The following RAP1GAP variants were observed in gnomAD, a reference collection of about 807,000 sequenced individuals.
The protein encoded by RAP1GAP is rap1 GTPase-activating protein 1.
RAP1GAP carries 35 observed loss-of-function variants against 87.2 expected under a neutral mutation model. The observed-to-expected ratio is 0.40, with a 90% CI of 0.31 to 0.53. The LOEUF is 0.53. Among genes scored for constraint, RAP1GAP ranks in the 20% least tolerant of loss-of-function variants. RAP1GAP has a pLI of 0.48. For missense variants in RAP1GAP, 734 were observed against 898.9 expected, an observed-to-expected ratio of 0.82 and a Z score of 2.35; for synonymous variants, 375 against 363.9, an observed-to-expected ratio of 1.03 and a Z score of -0.35.
Position 21,598,224 on chromosome 1 carries a change from C to T in RAP1GAP, c.1880-160G>A, listed in dbSNP as rs1296347708. 4.0e-6 allele frequency: 3 copies of T among 759,076 alleles called. No homozygotes were observed. The African/African-American group carries it at 5.3e-5, about 13-fold the overall frequency. The allele number at this position is 759,076 out of a possible 1,614,324, so 47.0% of individuals were successfully genotyped here. ...CCTCCGAGACCCTTCCGGAAGAAAC[C>T]AGCCCTCCAATCCACCCAGCCACCC... On this transcript the variant is annotated intron_variant, in intron 22 of 24. Transcript: ENST00000374765.
At chr1:21,651,511 C>T (rs759868640) in intron 1 of RAP1GAP, 1 of 656,542 alleles carries the variant, frequency 1.5e-6, no homozygotes, top group Admixed American at 1.9e-5. Context: ...TAGACACAAA[C>T]ACAGCAATGT....
chr1:21,601,820 G>A (rs751863533), intron 19 of RAP1GAP, 23 bp from the exon 20 acceptor site: 36 of 1,531,532 alleles, frequency 2.4e-5, no homozygotes, highest in East Asian at 9.1e-5. Context: ...CGGGGGCAGC[G>A]GGGGGATTCA....
chr1:21,629,025 A>G (rs960994933), intron 2 of RAP1GAP, among the ~76,000 whole-genome samples: 10 of 152,216 alleles, frequency 6.6e-5, no homozygotes, highest in African/African-American at 1.7e-4. Flanking sequence ...CTCTCCCCCA[A>G]CTACTGTGCA....
intron 1 of RAP1GAP, among the ~76,000 whole-genome samples, chr1:21,656,663 C>T (rs2096880464): frequency 6.6e-6 from 1 of 152,128 alleles, no homozygotes; most frequent in Admixed American, 6.5e-5. Flanking sequence ...CTTCCCTAGG[C>T]AGCTGGCCAG....
At chr1:21,650,225 C>T (rs1350239136) in intron 1 of RAP1GAP, among the ~76,000 whole-genome samples, 2 of 152,058 alleles carry the variant, frequency 1.3e-5, no homozygotes, top group Non-Finnish European at 2.9e-5. Context: ...AACATCACCC[C>T]CAAGGCCCGT....
At chr1:21,618,890 T>A (rs2275357) in intron 5 of RAP1GAP, 135 bp downstream of exon 5, 5 of 996,554 alleles carry the variant, frequency 5.0e-6, no homozygotes, top group Non-Finnish European at 7.4e-6. Flanking sequence ...CCTCCCCCCC[T>A]ACCCCCGCAC....
chr1:21,626,466 A>C, intron 2 of RAP1GAP, 69 bp from the exon 3 acceptor site: 1 of 1,265,814 alleles, frequency 7.9e-7, no homozygotes, highest in Non-Finnish European at 1.2e-6. Context: ...TGGGAGAGTC[A>C]CTCTCAGAGC....
rs372083917 is a variant in RAP1GAP, at chr1:21,613,332, G to C, written c.475-103C>G. The C allele has an allele frequency of 6.3e-5, 69 of 1,098,944 alleles. 1 individual carries two copies. In the East Asian group the frequency reaches 9.3e-4, roughly 15 times the overall value. 68.1% of individuals were successfully genotyped at this position (1,098,944 alleles called of 1,614,324 possible). On this transcript the variant is annotated intron_variant, in intron 9 of 24. Transcript: ENST00000374765. The surrounding 1 kb of genome is among the most constrained non-coding windows in gnomAD (Gnocchi z 4.7). ...CAAGGTCTGGGGAGGAGCCATGCTG[G>C]GAATGGCCAAGGCTAAAGCAGGACT...
At chr1:21,608,481 G>A in intron 16 of RAP1GAP, 131 bp from the exon 17 acceptor site, 1 of 1,245,528 alleles carries the variant, frequency 8.0e-7, no homozygotes, top group South Asian at 1.6e-5. Context: ...AGGGCGGAGG[G>A]CTCCTGCACC....
In RAP1GAP at chr1:21,603,941, G is replaced by A; in HGVS notation, c.1429-1028C>T. ...GCAAGCAGCAGAGGGCGGGGGCAGA[G>A]AGAGAGAGACAGAGAGAGAGTCAGA... On this transcript the variant is annotated intron_variant, in intron 18 of 24. Coordinates refer to ENST00000374765, the MANE Select transcript of RAP1GAP (RefSeq NM_002885.4). This position sits in a 1 kb window ranked among gnomAD's most constrained non-coding sequence, Gnocchi z 6.0. 1 of 1,466,436 alleles carries A rather than the reference G, an allele frequency of 6.8e-7. No homozygotes were observed. 90.8% of individuals were successfully genotyped at this position (1,466,436 alleles called of 1,614,324 possible). A position where few individuals can be genotyped will look rare whatever the true frequency, so the allele number is the denominator to read the frequency against.
rs1312813141 is a variant in RAP1GAP at position 21,599,856 on chromosome 1, T to C, written c.1653-239A>G. Among the ~76,000 whole-genome samples the C allele has an allele frequency of 2.6e-5, 4 of 152,036 alleles. No homozygotes were observed. The South Asian group carries it at 6.2e-4, about 24-fold the overall frequency. ...CACGTCCCTCCCCTGCTCAAAACCC[T>C]CTCCTGGCCTCCCATTTCCCCAGGT... On this transcript the variant is annotated intron_variant, in intron 20 of 24. Transcript: ENST00000374765.
Position 21,597,713 on chromosome 1 carries a change from G to A in RAP1GAP, c.*7C>T, listed in dbSNP as rs753410874. On this transcript the variant is annotated 3_prime_UTR_variant, in exon 24 of 25. Coordinates refer to ENST00000374765, the MANE Select transcript of RAP1GAP (RefSeq NM_002885.4). Reference sequence around the variant, plus strand: ...GCTCAGTTTCACCTTCAGAGGGGGTGGCCCGGCTAACAGCCCTGCAGACAG... The same window carrying A: ...GCTCAGTTTCACCTTCAGAGGGGGTAGCCCGGCTAACAGCCCTGCAGACAG... The A allele has an allele frequency of 1.9e-6, 3 of 1,613,578 alleles. No individual in the cohort carries two copies. The Admixed American group carries it at 5.0e-5, about 27-fold the overall frequency.
At chr1:21,667,760 C>T (rs988459582) in intron 1 of RAP1GAP, 5 of 152,260 alleles carry the variant, frequency 3.3e-5, no homozygotes, top group Non-Finnish European at 7.3e-5. Flanking sequence ...GTTCATTTAG[C>T]CTCTCCGAGC....
chr1:21,601,790 G>T lies in RAP1GAP; in HGVS notation c.1546C>A (p.Pro516Thr), dbSNP rs912488332. Residue 516 changes from proline to threonine, a missense_variant, in exon 20 of 25, where the codon CCT becomes ACT. Transcript: ENST00000374765. ...TCTGGGGTCTTCTGACCAGCCGGAG[G>T]GCTCTCCCTGCGGGGCACACGGGGG... ...IQEVQEKRES[P>T]PAGQKTPDSG... 1 of 1,605,872 alleles carries T rather than the reference G, an allele frequency of 6.2e-7. No homozygotes were observed. Among genetic ancestry groups the T allele is most frequent in the East Asian group, 2.2e-5 (1 of 44,818 alleles).
chr1:21,597,829 A>C lies in RAP1GAP; in HGVS notation c.1984-101T>G, dbSNP rs567853281. On this transcript the variant is annotated intron_variant, in intron 23 of 24. Transcript: ENST00000374765. ...GTCACTGGCTGTGTCCAGGCCGGGC[A>C]AGCCCCACCCCTCCTGGCCTAGCGG... 32 of 1,538,612 alleles carry C rather than the reference A, an allele frequency of 2.1e-5. No individual in the cohort carries two copies. The East Asian group carries it at 4.3e-4, about 21-fold the overall frequency.
At chr1:21,605,793 G>A (rs1375725090) in intron 18 of RAP1GAP, among the ~76,000 whole-genome samples, 2 of 152,260 alleles carry the variant, frequency 1.3e-5, no homozygotes, top group African/African-American at 4.8e-5. Flanking sequence ...CCTGCAGGAA[G>A]TCACACCTCA....
intron 2 of RAP1GAP, among the ~76,000 whole-genome samples, chr1:21,641,660 G>A (rs2095536810): frequency 6.6e-6 from 1 of 152,196 alleles, no homozygotes; most frequent in Non-Finnish European, 1.5e-5. Flanking sequence ...AGTGGCTAAT[G>A]GAAGCCCTGA....
At chr1:21,611,667 C>T in intron 12 of RAP1GAP, 49 bp downstream of exon 12, 1 of 1,612,786 alleles carries the variant, frequency 6.2e-7, no homozygotes, top group Non-Finnish European at 8.5e-7. Context: ...CCTCCCTGCC[C>T]AGGAGCACAA....
chr1:21,647,320 C>A (rs1365348344), intron 2 of RAP1GAP, among the ~76,000 whole-genome samples: 2 of 152,104 alleles, frequency 1.3e-5, no homozygotes, highest in Non-Finnish European at 2.9e-5. Flanking sequence ...AATAATTACC[C>A]AGGAGTGATG....
Sources: gnomAD v4.1 joint callset for allele counts (sites outside exome capture counted in the v4.1 genomes callset) on GRCh38, gnomAD v4.1.1 for gene constraint, Gnocchi (gnomAD v3.1) non-coding constraint, MANE v1.5 for transcripts, NCBI Gene and HGNC (gene_info 2026-07-23, HGNC 2026-07-21) for gene names.